TBC1D12: variants seen among roughly 807,000 people sequenced by gnomAD.
The protein encoded by TBC1D12 is TBC1 domain family member 12.
A neutral mutation model predicts 86.7 loss-of-function variants in TBC1D12; 56 were observed. The observed-to-expected ratio is 0.65, with a 90% confidence interval of 0.52 to 0.81. The LOEUF (loss-of-function observed/expected upper bound fraction) is 0.81, where lower values mean the gene tolerates loss of function less well. Ranked by LOEUF, TBC1D12 falls within the 30% of genes least tolerant of loss-of-function variation. The pLI is 0.00. For missense variants in TBC1D12, 1,023 were observed against 1,038.8 expected (o/e 0.98, Z 0.21); for synonymous variants, 421 against 411.7 (o/e 1.02, Z -0.27).
At chr10:94,442,293 T>A (rs1301705243) in intron 2 of TBC1D12, among the ~76,000 whole-genome samples, 2 of 152,142 alleles carry the variant, frequency 1.3e-5, no homozygotes, top group Admixed American at 6.5e-5. Context: ...ATAGATTTTT[T>A]AAAAACTTAG....
chr10:94,463,184 C>T (rs921098163), intron 2 of TBC1D12, among the ~76,000 whole-genome samples: 14 of 152,058 alleles, frequency 9.2e-5, no homozygotes, highest in African/African-American at 3.1e-4. Context: ...TGGGATTTTA[C>T]GGATATGTTT....
At chr10:94,416,870 A>G (rs1159442405) in intron 1 of TBC1D12, among the ~76,000 whole-genome samples, 1 of 152,172 alleles carries the variant, frequency 6.6e-6, no homozygotes, top group Non-Finnish European at 1.5e-5. Context: ...TAAAAATAAC[A>G]TATATATAGA....
chr10:94,522,272 G>A, intron 10 of TBC1D12, 72 bp from the exon 11 acceptor site: 1 of 1,063,704 alleles, frequency 9.4e-7, no homozygotes, highest in Non-Finnish European at 1.3e-6. Flanking sequence ...TTTCCTGTTA[G>A]TGTTTAAGCG....
chr10:94,529,285 G>A (rs530433097), intron 11 of TBC1D12, among the ~76,000 whole-genome samples: 33 of 152,268 alleles, frequency 2.2e-4, no homozygotes, highest in African/African-American at 7.5e-4. Context: ...GAGATTACAG[G>A]CATGAGCCAC....
chr10:94,463,201 A>G (rs1261891286), intron 2 of TBC1D12, among the ~76,000 whole-genome samples: 1 of 152,216 alleles, frequency 6.6e-6, no homozygotes. Context: ...GTTTTCATAA[A>G]TGATTAATAT....
At position 94,485,754 on chromosome 10, in the gene TBC1D12, A is replaced by G. The variant is rs138221379; in HGVS notation, c.1212-7611A>G. Among the ~76,000 whole-genome samples the G allele has an allele frequency of 1.5e-4, 23 of 152,096 alleles. No individual in the cohort carries two copies. In the East Asian group the frequency reaches 4.4e-3, roughly 29 times the overall value. ...GCTTTTCTTTACTGGTAGACTTTTA[A>G]TTACAACTCTGTAATTAAATGTTTT... On this transcript the variant is annotated intron_variant, in intron 3 of 12. Coordinates refer to ENST00000225235, the MANE Select transcript of TBC1D12 (RefSeq NM_015188.2).
At chr10:94,437,314 G>A (rs1238188616) in intron 1 of TBC1D12, among the ~76,000 whole-genome samples, 1 of 151,482 alleles carries the variant, frequency 6.6e-6, no homozygotes, top group East Asian at 1.9e-4. Context: ...TCAGATTTGG[G>A]AAGTTTTTGG....
At chr10:94,436,214 G>A (rs2055294281) in intron 1 of TBC1D12, among the ~76,000 whole-genome samples, 1 of 150,772 alleles carries the variant, frequency 6.6e-6, no homozygotes, top group Non-Finnish European at 1.5e-5. Flanking sequence ...TCAGCTCACT[G>A]CACCTCCGCC....
chr10:94,502,620 G>C (rs2134192965), intron 6 of TBC1D12, among the ~76,000 whole-genome samples: 1 of 151,770 alleles, frequency 6.6e-6, no homozygotes, highest in South Asian at 2.1e-4. Flanking sequence ...GATCGCTTGA[G>C]CTCAGGAGGT....
rs771397471 is a variant in TBC1D12, at chr10:94,450,896, G to GT, written c.1095+8878dup. ...GTGGAACTGGAGGACATTATGTTAA[G>GT]TGAAATAAGCCAGAAATGGAAAGTT... On this transcript the variant is annotated intron_variant, in intron 2 of 12. Transcript: ENST00000225235. 7.1e-4 allele frequency among the ~76,000 whole-genome samples: 108 copies of GT among 152,044 alleles called. 1 individual carries two copies. Among genetic ancestry groups the GT allele is most frequent in the Admixed American group, 6.6e-5 (1 of 15,256 alleles).
intron 2 of TBC1D12, among the ~76,000 whole-genome samples, chr10:94,459,980 G>A (rs375411628): frequency 1.2e-4 from 18 of 152,326 alleles, no homozygotes; most frequent in East Asian, 5.8e-4. Flanking sequence ...CTTCTCAAGC[G>A]CAGCCAGAGC....
At chr10:94,497,463 T>TCAG (rs1469554210) in intron 5 of TBC1D12, among the ~76,000 whole-genome samples, 1 of 150,542 alleles carries the variant, frequency 6.6e-6, no homozygotes, top group Non-Finnish European at 1.5e-5. Context: ...TGTAAATCCC[T>TCAG]CAGTGTCTAC....
chr10:94,504,068 G>A (rs1016436388), intron 6 of TBC1D12, among the ~76,000 whole-genome samples: 3 of 152,178 alleles, frequency 2.0e-5, no homozygotes, highest in African/African-American at 7.2e-5. Flanking sequence ...TTTGCTTTCT[G>A]AGTTTGGAAC....
intron 1 of TBC1D12, among the ~76,000 whole-genome samples, chr10:94,426,328 A>G (rs2055146296): frequency 6.6e-6 from 1 of 152,144 alleles, no homozygotes; most frequent in Non-Finnish European, 1.5e-5. Flanking sequence ...ATGTTTTGGT[A>G]GATGCCTTTA....
At chr10:94,528,544 G>A (rs915275928) in intron 11 of TBC1D12, among the ~76,000 whole-genome samples, 1 of 152,124 alleles carries the variant, frequency 6.6e-6, no homozygotes, top group Non-Finnish European at 1.5e-5. Flanking sequence ...GAATACACAT[G>A]GGTGCAGAGG....
intron 6 of TBC1D12, among the ~76,000 whole-genome samples, 167 bp from the exon 7 acceptor site, chr10:94,507,100 A>G (rs1409098409): frequency 1.3e-5 from 2 of 152,234 alleles, no homozygotes; most frequent in African/African-American, 2.4e-5. Context: ...CTTTCTGAGT[A>G]TATAATGAAT....
chr10:94,497,012 C>A, intron 4 of TBC1D12, 43 bp from the exon 5 acceptor site: 1 of 1,197,928 alleles, frequency 8.3e-7, no homozygotes, highest in Non-Finnish European at 1.2e-6. Flanking sequence ...GGATTTTGAT[C>A]TAGCTTATTT....
In TBC1D12 at chr10:94,421,867, A is replaced by T. The variant is rs80310313; in HGVS notation, c.971+18283A>T. The stretch of plus-strand genomic sequence containing the variant: ...TATTCAAATCCTTTGCCTAATATTA[A>T]TTGGGCTGTGTGTGTTTTTGTTGTT... On this transcript the variant is annotated intron_variant, in intron 1 of 12. Coordinates refer to ENST00000225235, the MANE Select transcript of TBC1D12 (RefSeq NM_015188.2). 5.2e-3 allele frequency among the ~76,000 whole-genome samples: 786 copies of T among 152,256 alleles called. 5 individuals carry two copies. Among genetic ancestry groups the T allele is most frequent in the African/African-American group, 0.018 (743 of 41,542 alleles).
intron 3 of TBC1D12, among the ~76,000 whole-genome samples, chr10:94,487,626 CT>C (rs1177710373): frequency 6.7e-6 from 1 of 149,600 alleles, no homozygotes; most frequent in Non-Finnish European, 1.5e-5. Context: ...CATCCTCCTG[CT>C]TTTTTGTTGT....
Sources: gnomAD v4.1 joint callset for allele counts (sites outside exome capture counted in the v4.1 genomes callset) on GRCh38, gnomAD v4.1.1 for gene constraint, MANE v1.5 for transcripts, NCBI Gene and HGNC (gene_info 2026-07-23, HGNC 2026-07-21) for gene names.